The following TBC1D1 variants were observed in gnomAD, a reference collection of about 807,000 sequenced individuals.
TBC1D1 encodes the protein TBC1 domain family member 1, also known as TBC1 (tre-2/USP6, BUB2, cdc16) domain family, member 1.
A neutral mutation model predicts 125.6 loss-of-function variants in TBC1D1; 89 were observed. The ratio of observed to expected loss-of-function variants is 0.71; its 90% CI spans 0.60 to 0.85. The LOEUF is 0.85. Ranked by LOEUF, TBC1D1 falls within the 40% of genes least tolerant of loss-of-function variation. The pLI, the probability that TBC1D1 is intolerant of heterozygous loss-of-function variation, is 0.00. For synonymous variants in TBC1D1, 565 were observed against 564.1 expected, an observed-to-expected ratio of 1.00 and a Z score of -0.02; for missense variants, 1,377 against 1,469.2, an observed-to-expected ratio of 0.94 and a Z score of 1.03.
intron 1 of TBC1D1, among the ~76,000 whole-genome samples, chr4:37,898,324 G>A (rs77566893): frequency 0.051 from 7,730 of 152,184 alleles, 345 homozygotes; most frequent in African/African-American, 0.11. Context: ...GGTGGTAGTT[G>A]CTTGAGGTAG....
intron 11 of TBC1D1, among the ~76,000 whole-genome samples, chr4:38,052,335 GTTT>G (rs66650664): frequency 1.4e-5 from 2 of 141,150 alleles, no homozygotes. Context: ...GTTTGTGTTT[GTTT>G]TTTTTTTTTT....
At chr4:37,994,687 G>A (rs1216743317) in intron 2 of TBC1D1, among the ~76,000 whole-genome samples, 1 of 152,144 alleles carries the variant, frequency 6.6e-6, no homozygotes, top group Non-Finnish European at 1.5e-5. Flanking sequence ...CTTTTAAAGT[G>A]TCCTAAAACC....
In TBC1D1 at chr4:38,102,710, C is replaced by T. The variant is rs926173248; in HGVS notation, c.2399-289C>T. Among the ~76,000 whole-genome samples the T allele has an allele frequency of 3.3e-5, 5 of 151,826 alleles. No individual in the cohort carries two copies. The East Asian group carries it at 9.7e-4, about 29-fold the overall frequency. The stretch of plus-strand genomic sequence containing the variant: ...CCTGGACAGCATAGTGAGACCCTGT[C>T]TCTACAAAAATAAAAAAAAAATTAG... On this transcript the variant is annotated intron_variant, in intron 14 of 19. Coordinates refer to ENST00000261439, the MANE Select transcript of TBC1D1 (RefSeq NM_015173.4).
intron 12 of TBC1D1, 149 bp from the exon 15 acceptor site, chr4:38,089,783 A>G (rs750262185): frequency 9.3e-5 from 72 of 770,216 alleles, no homozygotes; most frequent in Non-Finnish European, 1.3e-4. Flanking sequence ...GACGTGGCTT[A>G]TGCCAATGCA....
chr4:38,064,260 CTTTTGGCT>C (rs1217841829), intron 12 of TBC1D1, among the ~76,000 whole-genome samples: 3 of 152,208 alleles, frequency 2.0e-5, no homozygotes, highest in Admixed American at 6.5e-5. Context: ...ATTGTTTGCA[CTTTTGGCT>C]GTTACGGATA....
chr4:38,022,909 A>G (rs540204082), intron 6 of TBC1D1, among the ~76,000 whole-genome samples: 1 of 152,336 alleles, frequency 6.6e-6, no homozygotes, highest in South Asian at 2.1e-4. Flanking sequence ...GTGAAAAGAA[A>G]ACAAAAATTT....
At chr4:38,090,798 G>A (rs533153740) in intron 13 of TBC1D1, among the ~76,000 whole-genome samples, 1 of 152,348 alleles carries the variant, frequency 6.6e-6, no homozygotes, top group South Asian at 2.1e-4. Flanking sequence ...TGAAGATTTT[G>A]AGCAGGAAGT....
intron 13 of TBC1D1, among the ~76,000 whole-genome samples, chr4:38,093,519 T>TTC (rs375345240): frequency 4.3e-4 from 62 of 145,792 alleles, no homozygotes; most frequent in East Asian, 1.0e-3. Context: ...AAGGCCGTTT[T>TTC]CCCCCCCCTT....
chr4:38,087,884 C>G (rs549600220), intron 12 of TBC1D1, among the ~76,000 whole-genome samples: 1 of 143,626 alleles, frequency 7.0e-6, no homozygotes, highest in South Asian at 2.3e-4. Context: ...AAAAGAATAT[C>G]CAGGTCAACC....
In TBC1D1 at chr4:38,138,414, T is replaced by C. The variant is rs1368767589; in HGVS notation, c.*1079T>C. ...GAAATCTGACTTCTTGCAGAAGGAGTAGGCACATCAAGATATTCAGGGGTG... is the reference window on the plus strand; with the variant it reads ...GAAATCTGACTTCTTGCAGAAGGAGCAGGCACATCAAGATATTCAGGGGTG... On this transcript the variant is annotated 3_prime_UTR_variant, in exon 20 of 20. Coordinates refer to ENST00000261439, the MANE Select transcript of TBC1D1 (RefSeq NM_015173.4). The C allele has an allele frequency of 1.3e-5, 2 of 152,374 alleles. No individual in the cohort carries two copies. The highest frequency in any genetic ancestry group is 4.8e-5 in the African/African-American group (2 of 41,348). The allele number at this position is 152,374 out of a possible 1,614,324, so 9.4% of individuals were successfully genotyped here.
intron 8 of TBC1D1, among the ~76,000 whole-genome samples, chr4:38,037,362 T>G (rs1318664578): frequency 6.6e-6 from 1 of 151,826 alleles, no homozygotes; most frequent in Non-Finnish European, 1.5e-5. Flanking sequence ...GTAACACTTT[T>G]ACTAGGGGTT....
chr4:38,045,786 G>A, intron 9 of TBC1D1, 31 bp from the exon 10 acceptor site: 3 of 1,590,014 alleles, frequency 1.9e-6, no homozygotes, highest in Non-Finnish European at 2.6e-6. Flanking sequence ...AGCCTCCAGA[G>A]TCATAACTCG....
intron 12 of TBC1D1, among the ~76,000 whole-genome samples, chr4:38,061,916 A>G (rs932620999): frequency 1.3e-5 from 2 of 152,146 alleles, no homozygotes; most frequent in African/African-American, 4.8e-5. Flanking sequence ...TAATTTACGT[A>G]CCAGCAGGAA....
At chr4:37,915,042 C>A (rs938973567) in intron 2 of TBC1D1, among the ~76,000 whole-genome samples, 7 of 152,244 alleles carry the variant, frequency 4.6e-5, no homozygotes, top group African/African-American at 1.7e-4. Context: ...ATGTTAACCA[C>A]CTACTTACCT....
At chr4:38,026,657 C>T (rs1177945418) in intron 6 of TBC1D1, among the ~76,000 whole-genome samples, 1 of 152,032 alleles carries the variant, frequency 6.6e-6, no homozygotes, top group African/African-American at 2.4e-5. Flanking sequence ...CTTTTCATGG[C>T]AGTTGGGTCA....
intron 2 of TBC1D1, among the ~76,000 whole-genome samples, chr4:37,944,870 G>T (rs1253021923): frequency 1.3e-5 from 2 of 152,210 alleles, no homozygotes; most frequent in East Asian, 3.8e-4. Flanking sequence ...ATGCCCCAGT[G>T]AGATGAACCC....
At chr4:37,919,620 T>G (rs1720498905) in intron 2 of TBC1D1, among the ~76,000 whole-genome samples, 1 of 152,180 alleles carries the variant, frequency 6.6e-6, no homozygotes, top group Non-Finnish European at 1.5e-5. Flanking sequence ...AAATAAGTAA[T>G]GTAAATGCAG....
At chr4:38,057,418 G>A (rs1376925098) in intron 12 of TBC1D1, among the ~76,000 whole-genome samples, 5 of 152,034 alleles carry the variant, frequency 3.3e-5, no homozygotes, top group African/African-American at 4.8e-5. Flanking sequence ...ACCCATCTCC[G>A]GCAGCTCCTG....
At chr4:38,018,612 A>G (rs1743324497) in intron 4 of TBC1D1, among the ~76,000 whole-genome samples, 169 bp downstream of exon 4, 1 of 152,164 alleles carries the variant, frequency 6.6e-6, no homozygotes, top group African/African-American at 2.4e-5. Context: ...AAGGTAAATT[A>G]TGAATATAAT....
Sources: allele counts gnomAD v4.1 joint callset (sites outside exome capture counted in the v4.1 genomes callset), GRCh38; gene constraint gnomAD v4.1.1; transcripts MANE v1.5; gene names NCBI Gene and HGNC (gene_info 2026-07-23, HGNC 2026-07-21).